The following MAP7 variants were observed in gnomAD, a reference collection of about 807,000 sequenced individuals.
The protein encoded by MAP7 is microtubule associated protein 7.
Under a neutral mutation model 94.8 loss-of-function variants are expected in MAP7, and 52 were observed. The ratio of observed to expected loss-of-function variants is 0.55; its 90% confidence interval spans 0.44 to 0.69. The LOEUF (loss-of-function observed/expected upper bound fraction) is 0.69, where lower values mean the gene tolerates loss of function less well. MAP7 is among the 30% of genes least tolerant of loss of function. MAP7 has a pLI of 0.00. For synonymous variants in MAP7, 350 were observed against 357.0 expected, an observed-to-expected ratio of 0.98 and a Z score of 0.22; for missense variants, 940 against 964.6, an observed-to-expected ratio of 0.97 and a Z score of 0.34.
chr6:136,426,969 T>A (rs571486759), intron 1 of MAP7, among the ~76,000 whole-genome samples: 1 of 152,124 alleles, frequency 6.6e-6, no homozygotes, highest in Non-Finnish European at 1.5e-5. Context: ...TAAAAGGAAA[T>A]CAGACAAAAA....
intron 1 of MAP7, among the ~76,000 whole-genome samples, chr6:136,504,852 G>A (rs1166897687): frequency 1.3e-5 from 2 of 151,790 alleles, no homozygotes; most frequent in Non-Finnish European, 2.9e-5. Flanking sequence ...GCTAATTTTT[G>A]TATTTTTAGA....
chr6:136,487,130 G>A (rs1014192178), intron 1 of MAP7, among the ~76,000 whole-genome samples: 3 of 152,182 alleles, frequency 2.0e-5, no homozygotes, highest in African/African-American at 7.2e-5. Flanking sequence ...ATTGACAAGT[G>A]GTGGGGAGAG....
rs571368970 is a variant in MAP7 at position 136,361,059 on chromosome 6, C to T, written c.1647G>A (p.Gln549=). ...GCTCGCGCAGCGCCCGCTCCTCCGC[C>T]TGCCGCTGCAGCTGCTCCTCCTTCT... The part of the protein sequence containing the change: ...AREKEEQLQR[Q]AEERALRERE... The change falls in exon 12 of 18, where the codon CAG becomes CAA. Residue 549 remains glutamine, a synonymous_variant. Transcript: ENST00000354570. 6.3e-7 allele frequency: 1 copy of T among 1,597,534 alleles called. No homozygotes were observed. Among genetic ancestry groups the T allele is most frequent in the East Asian group, 2.2e-5 (1 of 44,806 alleles).
intron 1 of MAP7, among the ~76,000 whole-genome samples, chr6:136,517,940 G>A (rs1267499180): frequency 6.6e-6 from 1 of 152,128 alleles, no homozygotes; most frequent in African/African-American, 2.4e-5. Context: ...TTTTTACTTA[G>A]ATCTTAAGCT....
At position 136,548,652 on chromosome 6, in the gene MAP7, G is replaced by A. The variant is rs150169762; in HGVS notation, c.67+1690C>T. On this transcript the variant is annotated intron_variant, in intron 1 of 17. Coordinates refer to ENST00000354570, the MANE Select transcript of MAP7 (RefSeq NM_003980.6). ...TTTGTATATTAATTGTTGGAAGCAC[G>A]GCCTATTCCTTAACATGCTCAGGCA... 7.8e-3 allele frequency among the ~76,000 whole-genome samples: 1,188 copies of A among 152,266 alleles called. 23 individuals are homozygous for A. Among genetic ancestry groups the A allele is most frequent in the African/African-American group, 0.027 (1,110 of 41,536 alleles).
chr6:136,519,761 CTT>C (rs1482421408), intron 1 of MAP7, among the ~76,000 whole-genome samples: 1 of 152,170 alleles, frequency 6.6e-6, no homozygotes, highest in East Asian at 1.9e-4. Flanking sequence ...AGTTGTATTT[CTT>C]TACAATTTAA....
intron 1 of MAP7, among the ~76,000 whole-genome samples, chr6:136,509,658 AAGCAATCCTTTCACCTC>A (rs1488263300): frequency 6.6e-6 from 1 of 152,130 alleles, no homozygotes; most frequent in Non-Finnish European, 1.5e-5. Context: ...TCCCAGACTC[AAGCAATCCTTTCACCTC>A]AGCCTTCTGA....
intron 2 of MAP7, 62 bp downstream of exon 2, chr6:136,421,639 G>T: frequency 7.1e-7 from 1 of 1,410,408 alleles, no homozygotes; most frequent in Non-Finnish European, 1.0e-6. Flanking sequence ...ATAATCATCA[G>T]CATGCCTTTA....
At chr6:136,390,048 T>G (rs1368965047) in intron 3 of MAP7, among the ~76,000 whole-genome samples, 4 of 152,232 alleles carry the variant, frequency 2.6e-5, no homozygotes, top group Non-Finnish European at 5.9e-5. Flanking sequence ...GGTGGCCTTG[T>G]GTCTGAGGAG....
At chr6:136,520,032 C>T (rs1825933232) in intron 1 of MAP7, among the ~76,000 whole-genome samples, 1 of 151,624 alleles carries the variant, frequency 6.6e-6, no homozygotes, top group Non-Finnish European at 1.5e-5. Flanking sequence ...GACCCCACCT[C>T]TACAAAATTA....
chr6:136,345,088 C>A (rs1039377661), intron 17 of MAP7, among the ~76,000 whole-genome samples: 1 of 152,186 alleles, frequency 6.6e-6, no homozygotes, highest in Admixed American at 6.5e-5. Flanking sequence ...CACAGATTAT[C>A]TTGCTAATTC....
intron 1 of MAP7, among the ~76,000 whole-genome samples, chr6:136,439,973 C>A (rs1409761914): frequency 6.6e-6 from 1 of 152,140 alleles, no homozygotes; most frequent in Non-Finnish European, 1.5e-5. Context: ...TTTAATAGTG[C>A]TGGGTTCCAT....
chr6:136,489,494 A>G (rs1815856403), intron 1 of MAP7, among the ~76,000 whole-genome samples: 1 of 141,560 alleles, frequency 7.1e-6, no homozygotes, highest in African/African-American at 2.6e-5. Flanking sequence ...GGAAATTCTT[A>G]CCTCATTACA....
chr6:136,532,400 G>T (rs1399213491), intron 1 of MAP7, among the ~76,000 whole-genome samples: 1 of 152,024 alleles, frequency 6.6e-6, no homozygotes. Context: ...AAGAAAATAA[G>T]ACAAGACTCC....
chr6:136,364,627 T>C (rs1168576208), intron 10 of MAP7: 14 of 198,722 alleles, frequency 7.0e-5, no homozygotes, highest in Admixed American at 2.4e-4. Context: ...GTGCGACTTC[T>C]GAGACTGGGT....
chr6:136,413,417 GA>G lies in MAP7; in HGVS notation c.167-1721del, dbSNP rs1283437435. 2.2e-4 allele frequency among the ~76,000 whole-genome samples: 34 copies of G among 151,876 alleles called. 1 individual carries two copies. In the East Asian group the frequency reaches 6.6e-3, roughly 30 times the overall value. On this transcript the variant is annotated intron_variant, in intron 2 of 17. Coordinates refer to ENST00000354570, the MANE Select transcript of MAP7 (RefSeq NM_003980.6). Reference sequence around the variant, plus strand: ...CATGCCTGTAGTCCCAGCTACTCAGGAAGCTGGGGCAGGAGAATCGCTTGAA... The same window carrying G: ...CATGCCTGTAGTCCCAGCTACTCAGGAGCTGGGGCAGGAGAATCGCTTGAA...
At chr6:136,389,717 A>G (rs1780166694) in intron 3 of MAP7, among the ~76,000 whole-genome samples, 200 bp from the exon 4 acceptor site, 1 of 152,164 alleles carries the variant, frequency 6.6e-6, no homozygotes, top group Non-Finnish European at 1.5e-5. Context: ...ATAATTTAAT[A>G]TGTTAGCAAT....
At chr6:136,504,459 T>C (rs1213097083) in intron 1 of MAP7, among the ~76,000 whole-genome samples, 1 of 151,824 alleles carries the variant, frequency 6.6e-6, no homozygotes, top group Admixed American at 6.6e-5. Context: ...GGCAATTCTC[T>C]TGCCTCAGCC....
At chr6:136,445,769 T>C (rs1015012711) in intron 1 of MAP7, among the ~76,000 whole-genome samples, 1 of 152,212 alleles carries the variant, frequency 6.6e-6, no homozygotes, top group African/African-American at 2.4e-5. Context: ...GGCACACTCA[T>C]CTATATTTTC....
Sources: gnomAD v4.1 joint callset for allele counts (sites outside exome capture counted in the v4.1 genomes callset) on GRCh38, gnomAD v4.1.1 for gene constraint, MANE v1.5 for transcripts, NCBI Gene and HGNC (gene_info 2026-07-23, HGNC 2026-07-21) for gene names.